The following ELAVL4 variants were observed in gnomAD, a reference collection of about 807,000 sequenced individuals.
ELAVL4 encodes the protein ELAV like RNA binding protein 4, also known as ELAV-like protein 4.
In ELAVL4, 1 loss-of-function variant was observed where a neutral mutation model predicts 35.6. The ratio of observed to expected loss-of-function variants is 0.03; its 90% CI spans 0.01 to 0.13. ELAVL4 has a LOEUF of 0.13. Ranked by LOEUF, ELAVL4 falls within the 10% of genes least tolerant of loss-of-function variation. ELAVL4 has a pLI of 1.00. For synonymous variants in ELAVL4, 156 were observed against 171.0 expected (o/e 0.91, Z 0.69); for missense variants, 267 against 464.9 (o/e 0.57, Z 3.91).
intron 2 of ELAVL4, among the ~76,000 whole-genome samples, chr1:50,152,145 G>A (rs138582593): frequency 6.6e-6 from 1 of 152,190 alleles, no homozygotes; most frequent in South Asian, 2.1e-4. Flanking sequence ...TCTGTAGTCA[G>A]GATTACAGAC....
chr1:50,093,274 G>A (rs879811274), intron 1 of ELAVL4, among the ~76,000 whole-genome samples: 2 of 152,138 alleles, frequency 1.3e-5, no homozygotes, highest in Non-Finnish European at 2.9e-5. Flanking sequence ...TGAGATTTCT[G>A]GATGGTGGCC....
At chr1:50,137,148 A>G (rs983286706) in intron 1 of ELAVL4, among the ~76,000 whole-genome samples, 1 of 152,168 alleles carries the variant, frequency 6.6e-6, no homozygotes, top group African/African-American at 2.4e-5. Context: ...CAAAAATGTC[A>G]CAGGCTTGAA....
chr1:50,192,563 A>ACACACT lies in ELAVL4; in HGVS notation c.355-1201_355-1200insACACTC, dbSNP rs766597516. ...CACACACACACACACACACACACAC[A>ACACACT]CTCTCACCCCTACAGTCTTAATAGG... On this transcript the variant is annotated intron_variant, in intron 3 of 6. Transcript: ENST00000371824. Among the ~76,000 whole-genome samples the ACACACT allele has an allele frequency of 3.3e-3, 471 of 144,492 alleles. 2 individuals carry two copies. Among genetic ancestry groups the ACACACT allele is most frequent in the Non-Finnish European group, 4.0e-3 (264 of 66,540 alleles). 94.8% of individuals were successfully genotyped at this position (144,492 alleles called of 152,430 possible). A position where few individuals can be genotyped will look rare whatever the true frequency, so the allele number is the denominator to read the frequency against.
At chr1:50,195,520 G>C in intron 4 of ELAVL4, 41 bp from the exon 5 acceptor site, 1 of 1,600,934 alleles carries the variant, frequency 6.2e-7, no homozygotes, top group Non-Finnish European at 8.6e-7. Context: ...TTACCAGTTT[G>C]GTGTGTTCAC....
chr1:50,111,962 T>C (rs1201492413), intron 1 of ELAVL4, among the ~76,000 whole-genome samples: 2 of 152,102 alleles, frequency 1.3e-5, no homozygotes, highest in Non-Finnish European at 2.9e-5. Flanking sequence ...AGGGAGCTAA[T>C]TGTAAGCCCA....
chr1:50,079,877 G>A (rs1371415521), intron 1 of ELAVL4, among the ~76,000 whole-genome samples: 1 of 152,192 alleles, frequency 6.6e-6, no homozygotes, highest in Non-Finnish European at 1.5e-5. Context: ...AACTCATGCA[G>A]TTAGTATACA....
chr1:50,065,569 G>T (rs148867036), intron 1 of ELAVL4, among the ~76,000 whole-genome samples: 46 of 152,176 alleles, frequency 3.0e-4, no homozygotes, highest in Admixed American at 9.2e-4. Flanking sequence ...CCTGCAAAGT[G>T]CTCATTAGCA....
At chr1:50,051,813 T>G (rs184372635) in intron 1 of ELAVL4, among the ~76,000 whole-genome samples, 1 of 152,274 alleles carries the variant, frequency 6.6e-6, no homozygotes, top group East Asian at 1.9e-4. Context: ...ATGACAAATA[T>G]CACAGACTGG....
At chr1:50,063,605 C>T (rs1664112749) in intron 1 of ELAVL4, among the ~76,000 whole-genome samples, 1 of 152,142 alleles carries the variant, frequency 6.6e-6, no homozygotes. Context: ...TCGAGCGTTT[C>T]CACCATCACT....
intron 1 of ELAVL4, among the ~76,000 whole-genome samples, chr1:50,088,687 A>G (rs555820439): frequency 6.6e-6 from 1 of 152,332 alleles, no homozygotes; most frequent in African/African-American, 2.4e-5. Context: ...CAGAATGGTA[A>G]TGCTACTTCT....
intron 1 of ELAVL4, among the ~76,000 whole-genome samples, chr1:50,079,167 TC>T (rs1364409097): frequency 6.6e-6 from 1 of 152,130 alleles, no homozygotes; most frequent in African/African-American, 2.4e-5. Flanking sequence ...GCCCAAGAGA[TC>T]CTCCTGCCTC....
chr1:50,094,742 C>CAATAAATAAATAAATA lies in ELAVL4; in HGVS notation c.18+46584_18+46599dup, dbSNP rs60522222. On this transcript the variant is annotated intron_variant, in intron 1 of 6. Coordinates refer to the ELAVL4 transcript ENST00000448907. Reference sequence around the variant, plus strand: ...CCAACTTGGTGAAACCCTGTCTCTACAATAAATAAATAAATAAATAAATAA... The same window carrying CAATAAATAAATAAATA: ...CCAACTTGGTGAAACCCTGTCTCTACAATAAATAAATAAATAAATAAATAAATAAATAAATAAATAA... Among the ~76,000 whole-genome samples the CAATAAATAAATAAATA allele has an allele frequency of 4.6e-3, 618 of 135,572 alleles. 7 individuals carry two copies. The highest frequency in any genetic ancestry group is 0.011 in the South Asian group (43 of 3,888). The allele number at this position is 135,572 out of a possible 152,430, so 88.9% of individuals were successfully genotyped here.
intron 1 of ELAVL4, among the ~76,000 whole-genome samples, chr1:50,070,858 G>A (rs1429656622): frequency 6.6e-6 from 1 of 152,064 alleles, no homozygotes; most frequent in Non-Finnish European, 1.5e-5. Context: ...TACTCCATAG[G>A]ACTGTTGGTG....
chr1:50,145,172 C>T lies in ELAVL4; in HGVS notation c.225C>T (p.Cys75=), dbSNP rs778369464. 32 of 1,613,820 alleles carry T rather than the reference C, an allele frequency of 2.0e-5. No individual in the cohort carries two copies. In the South Asian group the frequency reaches 3.5e-4, roughly 18 times the overall value. The change falls in exon 2 of 7, where the codon TGC becomes TGT. Residue 75 remains cysteine, a synonymous_variant. Coordinates refer to ENST00000371824, the MANE Select transcript of ELAVL4 (RefSeq NM_001144774.3). The part of the protein sequence containing the change: ...LFGSIGEIES[C]KLVRDKITGQ... ...GGAGCATTGGTGAAATAGAATCCTG[C>T]AAACTTGTGAGAGACAAAATTACAG...
At chr1:50,110,690 A>C (rs952259915) in intron 1 of ELAVL4, among the ~76,000 whole-genome samples, 1 of 152,120 alleles carries the variant, frequency 6.6e-6, no homozygotes, top group Non-Finnish European at 1.5e-5. Flanking sequence ...TAAATTCATA[A>C]CCATCTTACT....
intron 2 of ELAVL4, among the ~76,000 whole-genome samples, chr1:50,156,230 A>G (rs997353952): frequency 6.6e-6 from 1 of 152,256 alleles, no homozygotes; most frequent in Non-Finnish European, 1.5e-5. Context: ...GATGTATTTG[A>G]AACCTTATGT....
intron 1 of ELAVL4, among the ~76,000 whole-genome samples, chr1:50,086,313 T>C (rs4462194): frequency 1 from 151,503 of 152,010 alleles, 75,500 homozygotes; most frequent in Middle Eastern, 1. Flanking sequence ...TATAAAGGAA[T>C]GTTGAAATTG....
At chr1:50,148,733 A>T (rs772874438) in intron 2 of ELAVL4, among the ~76,000 whole-genome samples, 7 of 152,328 alleles carry the variant, frequency 4.6e-5, no homozygotes, top group Admixed American at 1.3e-4. Flanking sequence ...GTGTCATGTG[A>T]CCCACAGAGT....
intron 1 of ELAVL4, among the ~76,000 whole-genome samples, chr1:50,072,268 T>C (rs939177923): frequency 6.6e-6 from 1 of 152,198 alleles, no homozygotes; most frequent in African/African-American, 2.4e-5. Flanking sequence ...CAAGCTTTTA[T>C]TTTCTTTCTC....
Sources: gnomAD v4.1 joint callset for allele counts (sites outside exome capture counted in the v4.1 genomes callset) on GRCh38, gnomAD v4.1.1 for gene constraint, MANE v1.5 for transcripts, NCBI Gene and HGNC (gene_info 2026-07-23, HGNC 2026-07-21) for gene names.